The following ZBTB46 variants were observed in gnomAD, a reference collection of about 807,000 sequenced individuals.
The protein encoded by ZBTB46 is zinc finger and BTB domain-containing protein 46.
Under a neutral mutation model 44.1 loss-of-function variants are expected in ZBTB46, and 8 were observed. That is an observed-to-expected ratio of 0.18 (90% CI 0.11 to 0.33). The LOEUF (loss-of-function observed/expected upper bound fraction) is 0.33. Ranked by LOEUF, ZBTB46 falls within the 10% of genes least tolerant of loss-of-function variation. ZBTB46 has a pLI of 1.00. For synonymous variants in ZBTB46, 409 were observed against 382.3 expected (o/e 1.07, Z -0.81); for missense variants, 651 against 847.7 (o/e 0.77, Z 2.88).
chr20:63,772,963 A>G (rs1444231214), intron 3 of ZBTB46, among the ~76,000 whole-genome samples: 1 of 152,070 alleles, frequency 6.6e-6, no homozygotes, highest in Non-Finnish European at 1.5e-5. Flanking sequence ...CAGAACAGAA[A>G]AGCCCCGAGG....
intron 1 of ZBTB46, among the ~76,000 whole-genome samples, chr20:63,805,860 C>A (rs759377763): frequency 1.3e-5 from 2 of 151,942 alleles, no homozygotes; most frequent in Non-Finnish European, 2.9e-5. Context: ...GCAACCTCCG[C>A]CTCCTGGGTT....
Position 63,812,820 on chromosome 20 carries a change from G to A in ZBTB46, c.-34+18277C>T, listed in dbSNP as rs377510206. On this transcript the variant is annotated intron_variant, in intron 1 of 4. Transcript: ENST00000245663. ...AAAACAAAACAAAAACTACGGCTGG[G>A]CGTGGTGGCTAATGCCTGTAATCCC... Among the ~76,000 whole-genome samples the A allele has an allele frequency of 3.3e-5, 5 of 152,088 alleles. No homozygotes were observed. The East Asian group carries it at 5.8e-4, about 18-fold the overall frequency.
intron 1 of ZBTB46, among the ~76,000 whole-genome samples, chr20:63,830,801 A>C (rs1439740532): frequency 1.4e-5 from 2 of 142,024 alleles, no homozygotes; most frequent in African/African-American, 5.1e-5. Context: ...CTCCGCGCTC[A>C]GCCCCGCGGG....
At chr20:63,812,229 G>A (rs550573296) in intron 1 of ZBTB46, among the ~76,000 whole-genome samples, 9 of 152,192 alleles carry the variant, frequency 5.9e-5, no homozygotes, top group African/African-American at 2.2e-4. Context: ...TTTTCACAAG[G>A]CCAGGCAAGG....
In ZBTB46 at chr20:63,790,322, T is replaced by C. The variant is rs2092551206; in HGVS notation, c.436A>G (p.Ile146Val). 1.2e-6 allele frequency: 2 copies of C among 1,613,028 alleles called. No individual in the cohort carries two copies. Among genetic ancestry groups the C allele is most frequent in the African/African-American group, 2.7e-5 (2 of 74,940 alleles). Residue 146 changes from isoleucine (I) to valine (V), a missense_variant, in exon 2 of 5, where the codon ATC (isoleucine) becomes GTC (valine). By Grantham distance (29) the Ile-to-Val change is conservative. This residue lies in a region of ZBTB46 where 385 missense variants were observed against 423.3 expected (regional missense o/e 0.91). Transcript: ENST00000245663. ...DASDELAEFE[I>V]GASSSSSTEA... ...GTGCTGCTGCTGGACGAGGCGCCGA[T>C]CTCGAACTCCGCAAGCTCATCTGAG...
In ZBTB46 at chr20:63,757,570, G is replaced by A. The variant is rs538762667; in HGVS notation, c.1223-4709C>T. ...GTCTACCCTGCATCACCACCACAGC[G>A]TCTCCACGACGGCAGCACTAGAAGC... is the stretch of plus-strand genomic sequence containing the variant. On this transcript the variant is annotated intron_variant, in intron 3 of 4. Transcript: ENST00000245663. 1.6e-4 allele frequency among the ~76,000 whole-genome samples: 25 copies of A among 152,236 alleles called. 1 individual carries two copies. The Middle Eastern group carries it at 0.01, about 62-fold the overall frequency.
chr20:63,833,479 T>G (rs1038586269), upstream of ZBTB46, among the ~76,000 whole-genome samples: 3 of 152,106 alleles, frequency 2.0e-5, no homozygotes, highest in African/African-American at 7.2e-5. Flanking sequence ...TAGTCCCAGC[T>G]ACTCGGGAGG....
At chr20:63,804,841 G>A (rs372276972) in intron 1 of ZBTB46, among the ~76,000 whole-genome samples, 16 of 151,678 alleles carry the variant, frequency 1.1e-4, no homozygotes, top group African/African-American at 3.9e-4. Context: ...GCAGTGAGCT[G>A]AGTTGGCACC....
chr20:63,794,492 C>T (rs1273914986), intron 1 of ZBTB46, among the ~76,000 whole-genome samples: 6 of 152,012 alleles, frequency 3.9e-5, no homozygotes, highest in African/African-American at 9.7e-5. Flanking sequence ...CACACCCTGA[C>T]AAAAAACGAT....
At chr20:63,831,825 C>G (rs183489592), upstream of ZBTB46, among the ~76,000 whole-genome samples, 663 of 151,634 alleles carry the variant, frequency 4.4e-3, 3 homozygotes, top group African/African-American at 0.015. Context: ...GTCTCGCAAA[C>G]TTGGCGACTC....
chr20:63,775,452 T>C, intron 3 of ZBTB46: 1 of 483,422 alleles, frequency 2.1e-6, no homozygotes, highest in Non-Finnish European at 3.5e-6. Flanking sequence ...CCCGCCGCGC[T>C]CACAACCGCG....
rs1601433084 is a variant in ZBTB46 at position 63,772,742 on chromosome 20, CA to C, written c.1222+2935del. Among the ~76,000 whole-genome samples the C allele has an allele frequency of 1.8e-3, 158 of 85,934 alleles. 1 individual carries two copies. Among genetic ancestry groups the C allele is most frequent in the African/African-American group, 6.6e-3 (138 of 20,796 alleles). 56.4% of individuals were successfully genotyped at this position (85,934 alleles called of 152,430 possible). A position where few individuals can be genotyped will look rare whatever the true frequency, so the allele number is the denominator to read the frequency against. On this transcript the variant is annotated intron_variant, in intron 3 of 4. Coordinates refer to ENST00000245663, the MANE Select transcript of ZBTB46 (RefSeq NM_001369741.1). ...TCAAAAACACACACACACACACACA[CA>C]CACACACACACACACACACACACAG...
intron 1 of ZBTB46, among the ~76,000 whole-genome samples, chr20:63,830,439 C>A (rs2092842967): frequency 6.6e-6 from 1 of 150,972 alleles, no homozygotes; most frequent in Non-Finnish European, 1.5e-5. Context: ...GCCGCCCCGC[C>A]CCGAGGCCCC....
At chr20:63,796,125 A>C (rs144570910) in intron 1 of ZBTB46, among the ~76,000 whole-genome samples, 2 of 152,332 alleles carry the variant, frequency 1.3e-5, no homozygotes, top group African/African-American at 4.8e-5. Flanking sequence ...CTGTGTGTTC[A>C]AAGTATTAAT....
intron 3 of ZBTB46, among the ~76,000 whole-genome samples, chr20:63,770,367 C>A (rs80149857): frequency 0.14 from 22,020 of 152,016 alleles, 2,040 homozygotes; most frequent in East Asian, 0.44. Flanking sequence ...AGGAGGCCCG[C>A]CTACTGCTGA....
chr20:63,779,991 C>T (rs1291006740), intron 2 of ZBTB46, among the ~76,000 whole-genome samples: 10 of 152,102 alleles, frequency 6.6e-5, no homozygotes, highest in South Asian at 2.1e-4. Flanking sequence ...TTTGGGTTTC[C>T]GCCAGGCACA....
At chr20:63,765,246 C>A (rs2092311713) in intron 3 of ZBTB46, among the ~76,000 whole-genome samples, 1 of 152,014 alleles carries the variant, frequency 6.6e-6, no homozygotes, top group Non-Finnish European at 1.5e-5. Flanking sequence ...TCTGGCTGCC[C>A]CGAAGGACAA....
chr20:63,786,011 T>C (rs1233819030), intron 2 of ZBTB46, among the ~76,000 whole-genome samples: 1 of 152,168 alleles, frequency 6.6e-6, no homozygotes, highest in Non-Finnish European at 1.5e-5. Context: ...CTGCATCGAC[T>C]CTCATAATAC....
At chr20:63,831,475 C>G (rs1032852299), upstream of ZBTB46, among the ~76,000 whole-genome samples, 41 of 145,370 alleles carry the variant, frequency 2.8e-4, no homozygotes, top group Non-Finnish European at 4.6e-4. Context: ...GCCGCGGGGT[C>G]GCAGGGGGCC....
Sources: allele counts gnomAD v4.1 joint callset (sites outside exome capture counted in the v4.1 genomes callset), GRCh38; gene constraint gnomAD v4.1.1; regional missense constraint gnomAD v4.1.1; transcripts MANE v1.5; gene names NCBI Gene and HGNC (gene_info 2026-07-23, HGNC 2026-07-21).